MYH10: variants seen among roughly 807,000 people sequenced by gnomAD.
MYH10 encodes the protein myosin heavy chain 10.
A neutral mutation model predicts 257.8 loss-of-function variants in MYH10; 55 were observed. That is an observed-to-expected ratio of 0.21 (90% CI 0.17 to 0.27). The LOEUF is 0.27. MYH10 is among the 10% of genes least tolerant of loss of function. The probability of loss-of-function intolerance (pLI) is 1.00; values close to 1 mark genes in which losing one functional copy is unlikely to be tolerated. For missense variants in MYH10, 1,631 were observed against 2,500.6 expected (o/e 0.65, Z 7.42); for synonymous variants, 854 against 921.7 (o/e 0.93, Z 1.33).
At chr17:8,580,121 C>A (rs1269660908) in intron 4 of MYH10, among the ~76,000 whole-genome samples, 1 of 151,454 alleles carries the variant, frequency 6.6e-6, no homozygotes, top group African/African-American at 2.4e-5. Flanking sequence ...AGCGAGACTT[C>A]ACCTGAAAAA....
intron 33 of MYH10, 131 bp from the exon 34 acceptor site, chr17:8,492,640 T>C (rs1438776888): frequency 2.8e-5 from 34 of 1,206,174 alleles, no homozygotes; most frequent in South Asian, 2.6e-4. Flanking sequence ...CCTTTTTTTT[T>C]TTTTTTTTGC....
At position 8,499,166 on chromosome 17, in the gene MYH10, G is replaced by A. The variant is rs559606904; in HGVS notation, c.3951+104C>T. ...TACTGGATAGCAATTTTCAGGTGTC[G>A]CACAGCACATTGGCCATGGGTCTCT... On this transcript the variant is annotated intron_variant, in intron 30 of 42. Coordinates refer to ENST00000360416, the MANE Select transcript of MYH10 (RefSeq NM_001256012.3). 3.0e-5 allele frequency: 34 copies of A among 1,126,976 alleles called. No homozygotes were observed. The East Asian group carries it at 3.1e-4, about 10-fold the overall frequency. 69.8% of individuals were successfully genotyped at this position (1,126,976 alleles called of 1,614,324 possible).
At chr17:8,558,310 T>C (rs1420937309) in intron 7 of MYH10, among the ~76,000 whole-genome samples, 1 of 152,104 alleles carries the variant, frequency 6.6e-6, no homozygotes, top group Non-Finnish European at 1.5e-5. Flanking sequence ...AAGAACAATG[T>C]GGTCTGTGCA....
chr17:8,540,305 C>A (rs565081208), intron 14 of MYH10, among the ~76,000 whole-genome samples: 1 of 152,066 alleles, frequency 6.6e-6, no homozygotes, highest in Non-Finnish European at 1.5e-5. Flanking sequence ...TTCTACCTCA[C>A]CTATTTTTGC....
intron 17 of MYH10, among the ~76,000 whole-genome samples, chr17:8,523,654 G>T (rs905353615): frequency 1.3e-5 from 2 of 152,186 alleles, no homozygotes; most frequent in African/African-American, 4.8e-5. Context: ...GGAAGGGGGA[G>T]GGAGAAGTGG....
rs942376275 is a variant in MYH10 at position 8,569,293 on chromosome 17, T to C, written c.756+427A>G. Among the ~76,000 whole-genome samples the C allele has an allele frequency of 6.6e-6, 1 of 151,104 alleles. No homozygotes were observed. Among genetic ancestry groups the C allele is most frequent in the Non-Finnish European group, 1.5e-5 (1 of 67,770 alleles). ...TCCAAAGTCCAAATCCCACAGAAAA[T>C]AGCAAGGTAGGAAAAGGTCAGTTTA... On this transcript the variant is annotated intron_variant, in intron 7 of 42. Coordinates refer to ENST00000360416, the MANE Select transcript of MYH10 (RefSeq NM_001256012.3). The surrounding 1 kb of genome is among the most constrained non-coding windows in gnomAD (Gnocchi z 4.1).
chr17:8,624,067 C>A lies in MYH10; in HGVS notation c.-31-790G>T, dbSNP rs115034827. ...TGTGGCCCAGAAGCAAACATCATAG[C>A]CCAGATATGGTCTGACCAGTGCAGA... On this transcript the variant is annotated intron_variant, in intron 1 of 42. Transcript: ENST00000360416. 3.6e-3 allele frequency among the ~76,000 whole-genome samples: 545 copies of A among 152,302 alleles called. 5 individuals are homozygous for A. Among genetic ancestry groups the A allele is most frequent in the African/African-American group, 0.013 (520 of 41,576 alleles).
At chr17:8,584,091 T>C (rs1432539083) in intron 4 of MYH10, among the ~76,000 whole-genome samples, 2 of 152,118 alleles carry the variant, frequency 1.3e-5, no homozygotes, top group African/African-American at 4.8e-5. Flanking sequence ...CACTCTCTCC[T>C]GAGAGAGGAT....
At chr17:8,487,668 TG>T (rs1341198024) in intron 35 of MYH10, 74 bp from the exon 36 acceptor site, 28 of 1,554,138 alleles carry the variant, frequency 1.8e-5, no homozygotes, top group Admixed American at 6.8e-5. Context: ...TGTTCTCAAG[TG>T]GGGGGCTCTG....
chr17:8,552,340 C>T lies in MYH10; in HGVS notation c.821-196G>A, dbSNP rs575263407. ...GAAAATAGGTGCAACTTACGTTCCT[C>T]ACTGATCTTCCAGAATCATTGGTCT... is the stretch of plus-strand genomic sequence containing the variant. On this transcript the variant is annotated intron_variant, in intron 8 of 42. Coordinates refer to ENST00000360416, the MANE Select transcript of MYH10 (RefSeq NM_001256012.3). The surrounding 1 kb of genome is among the most constrained non-coding windows in gnomAD (Gnocchi z 4.8). Among the ~76,000 whole-genome samples, 1 of 152,286 alleles carries T rather than the reference C, an allele frequency of 6.6e-6. No individual in the cohort carries two copies. The highest frequency in any genetic ancestry group is 6.5e-5 in the Admixed American group (1 of 15,302).
chr17:8,560,511 T>A, intron 7 of MYH10: 1 of 562,488 alleles, frequency 1.8e-6, no homozygotes, highest in Admixed American at 2.0e-5. Context: ...TTGTTGATGG[T>A]AACTCCTTTG....
At chr17:8,627,923 A>G (rs1251625836) in intron 1 of MYH10, among the ~76,000 whole-genome samples, 1 of 152,254 alleles carries the variant, frequency 6.6e-6, no homozygotes, top group Non-Finnish European at 1.5e-5. Context: ...GCCCAAGGGC[A>G]CACAGCTAAC....
intron 26 of MYH10, 143 bp downstream of exon 26, chr17:8,508,411 T>C (rs751224069): frequency 3.3e-5 from 39 of 1,181,710 alleles, no homozygotes; most frequent in Non-Finnish European, 4.5e-5. Flanking sequence ...CCAAGGGACC[T>C]ATTTTAATAA....
At chr17:8,521,596 G>A (rs1354653092) in intron 17 of MYH10, 5 of 312,352 alleles carry the variant, frequency 1.6e-5, no homozygotes, top group South Asian at 7.3e-5. Context: ...ACAATTATTT[G>A]GAAAATGAAA....
At chr17:8,561,165 A>G in intron 7 of MYH10, 2 of 651,544 alleles carry the variant, frequency 3.1e-6, no homozygotes, top group Non-Finnish European at 5.5e-6. Context: ...TAACAAAAAC[A>G]AACAAAGGAG....
rs1211197582 is a variant in MYH10 at position 8,492,417 on chromosome 17, C to T, written c.4551G>A (p.Leu1517=). 4 of 1,613,290 alleles carry T rather than the reference C, an allele frequency of 2.5e-6. No individual in the cohort carries two copies. The highest frequency in any genetic ancestry group is 1.1e-5 in the South Asian group (1 of 91,092). Residue 1517 remains leucine, a synonymous_variant, in exon 34 of 43, where the codon CTG becomes CTA. Coordinates refer to ENST00000360416, the MANE Select transcript of MYH10 (RefSeq NM_001256012.3). Reference sequence around the variant, plus strand: ...CTTCCTCGAGGGCCCGGGCCAGTGACAGGGCTTTGGTTTCTTTCTCTCTGG... The same window carrying T: ...CTTCCTCGAGGGCCCGGGCCAGTGATAGGGCTTTGGTTTCTTTCTCTCTGG... ...AEAREKETKA[L]SLARALEEAL...
At chr17:8,607,726 C>A (rs1017058161) in intron 2 of MYH10, among the ~76,000 whole-genome samples, 3 of 152,168 alleles carry the variant, frequency 2.0e-5, no homozygotes, top group Admixed American at 6.5e-5. Flanking sequence ...TTTGAATACA[C>A]ACAGAAGATA....
At position 8,503,298 on chromosome 17, in the gene MYH10, T is replaced by A. The variant is rs200618347; in HGVS notation, c.3599+1396A>T. On this transcript the variant is annotated intron_variant, in intron 28 of 42. Transcript: ENST00000360416. ...AACTCCGTCTCAAAAAAATATAAAA[T>A]AAAAAATAAAATAAAATAAAAAAGT... Among the ~76,000 whole-genome samples the A allele has an allele frequency of 3.0e-4, 7 of 23,712 alleles. No homozygotes were observed. The South Asian group carries it at 0.016, about 55-fold the overall frequency. 15.6% of individuals were successfully genotyped at this position (23,712 alleles called of 152,430 possible).
chr17:8,594,898 C>A (rs554285886), intron 3 of MYH10, among the ~76,000 whole-genome samples: 113 of 152,218 alleles, frequency 7.4e-4, no homozygotes, highest in Non-Finnish European at 1.0e-3. Flanking sequence ...ATCTTCAGTA[C>A]AGGCGCAACC....
Sources: gnomAD v4.1 joint callset for allele counts (sites outside exome capture counted in the v4.1 genomes callset) on GRCh38, gnomAD v4.1.1 for gene constraint, Gnocchi (gnomAD v3.1) non-coding constraint, MANE v1.5 for transcripts, NCBI Gene and HGNC (gene_info 2026-07-23, HGNC 2026-07-21) for gene names.